Variants in TAF1B observed in about 807,000 individuals in gnomAD.
The protein encoded by TAF1B is TATA-box binding protein associated factor, RNA polymerase I subunit B.
TAF1B carries 61 observed loss-of-function variants against 83.9 expected under a neutral mutation model. That is an observed-to-expected ratio of 0.73 (90% CI 0.59 to 0.90). The LOEUF is 0.90. Among genes scored for constraint, TAF1B ranks in the 40% least tolerant of loss-of-function variants. TAF1B has a pLI of 0.00. For synonymous variants in TAF1B, 221 were observed against 224.6 expected (o/e 0.98, Z 0.14); for missense variants, 625 against 677.0 (o/e 0.92, Z 0.85).
intron 5 of TAF1B, among the ~76,000 whole-genome samples, chr2:9,863,977 T>C (rs1349381411): frequency 6.6e-6 from 1 of 152,018 alleles, no homozygotes; most frequent in Admixed American, 6.5e-5. Context: ...TAGCACTAAA[T>C]GCCCACAAGA....
chr2:9,926,231 T>C lies in TAF1B; in HGVS notation c.1565+6411T>C, dbSNP rs549514732. ...TAAAAAATTAAGTCATTTCTTAATA[T>C]TCTCCAATATGCAGTCAGTGATTAG... On this transcript the variant is annotated intron_variant, in intron 14 of 14. Coordinates refer to ENST00000263663, the MANE Select transcript of TAF1B (RefSeq NM_005680.3). Among the ~76,000 whole-genome samples, 9 of 152,340 alleles carry C rather than the reference T, an allele frequency of 5.9e-5. No homozygotes were observed. In the South Asian group the frequency reaches 1.9e-3, roughly 32 times the overall value.
chr2:9,871,372 G>A (rs559388137), intron 6 of TAF1B, among the ~76,000 whole-genome samples: 63 of 152,106 alleles, frequency 4.1e-4, no homozygotes, highest in Non-Finnish European at 7.8e-4. Context: ...GTAAGCTACT[G>A]TGCCTGGCCA....
intron 14 of TAF1B, among the ~76,000 whole-genome samples, chr2:9,922,921 T>G (rs1665922074): frequency 6.6e-6 from 1 of 152,178 alleles, no homozygotes; most frequent in African/African-American, 2.4e-5. Context: ...CCATTATTAT[T>G]TTAAACAAAG....
intron 2 of TAF1B, among the ~76,000 whole-genome samples, chr2:9,847,728 G>A (rs1350365423): frequency 6.6e-6 from 1 of 152,194 alleles, no homozygotes; most frequent in African/African-American, 2.4e-5. Context: ...TTAAAAAGGT[G>A]TAGGCTAGAC....
chr2:9,933,884 T>C lies in TAF1B; in HGVS notation c.1667T>C (p.Leu556Pro), dbSNP rs1462697977. 2 of 1,613,674 alleles carry C rather than the reference T, an allele frequency of 1.2e-6. No homozygotes were observed. Among genetic ancestry groups the C allele is most frequent in the Non-Finnish European group, 1.7e-6 (2 of 1,179,798 alleles). Reference sequence around the variant, plus strand: ...TTCCTGCTCAGAATAAAGACTTCCCTTCTCCATGAAGAAGTGAGCTTAGTT... The same window carrying C: ...TTCCTGCTCAGAATAAAGACTTCCCCTCTCCATGAAGAAGTGAGCTTAGTT... ...FSFLLRIKTS[L>P]LHEEVSLVEK... Residue 556 changes from leucine (L) to proline (P), a missense_variant, in exon 15 of 15, where the codon CTT (leucine) becomes CCT (proline). Coordinates refer to ENST00000263663, the MANE Select transcript of TAF1B (RefSeq NM_005680.3).
intron 7 of TAF1B, 33 bp from the exon 8 acceptor site, chr2:9,882,671 ACT>A: frequency 6.8e-7 from 1 of 1,470,516 alleles, no homozygotes; most frequent in Non-Finnish European, 9.4e-7. Flanking sequence ...TCAGTATATA[ACT>A]CTCATTAAAC....
At chr2:9,921,868 C>T (rs763901424) in intron 14 of TAF1B, among the ~76,000 whole-genome samples, 4 of 152,042 alleles carry the variant, frequency 2.6e-5, no homozygotes, top group African/African-American at 9.7e-5. Context: ...ATAATAATAG[C>T]GAAAAGGCCA....
intron 8 of TAF1B, among the ~76,000 whole-genome samples, chr2:9,885,113 A>G (rs1185416564): frequency 6.6e-6 from 1 of 152,210 alleles, no homozygotes; most frequent in African/African-American, 2.4e-5. Flanking sequence ...GAACTAGGAT[A>G]GTGAGAAGGG....
intron 1 of TAF1B, chr2:9,843,852 C>A: frequency 3.3e-6 from 1 of 300,098 alleles, no homozygotes; most frequent in Non-Finnish European, 6.2e-6. Flanking sequence ...GTGGGGTGGC[C>A]ACCCACAGGG....
At chr2:9,876,852 T>C (rs1476172903) in intron 7 of TAF1B, among the ~76,000 whole-genome samples, 1 of 152,214 alleles carries the variant, frequency 6.6e-6, no homozygotes, top group Non-Finnish European at 1.5e-5. Context: ...TAATTAGCGC[T>C]ACATGGAAAG....
In TAF1B at chr2:9,849,338, G is replaced by T. The variant is rs377499866; in HGVS notation, c.118-35G>T. ...AAAAATGCTTAGGGGGATGTAAAACGATCTTTTTTAATGGTCTTTTTCTCT... is the reference window on the plus strand; with the variant it reads ...AAAAATGCTTAGGGGGATGTAAAACTATCTTTTTTAATGGTCTTTTTCTCT... On this transcript the variant is annotated intron_variant, in intron 2 of 14. Coordinates refer to ENST00000263663, the MANE Select transcript of TAF1B (RefSeq NM_005680.3). 7.3e-6 allele frequency: 11 copies of T among 1,508,838 alleles called. No individual in the cohort carries two copies. The East Asian group carries it at 9.3e-5, about 13-fold the overall frequency. 93.5% of individuals were successfully genotyped at this position (1,508,838 alleles called of 1,614,324 possible).
intron 7 of TAF1B, among the ~76,000 whole-genome samples, chr2:9,878,256 C>T (rs191690592): frequency 2.3e-4 from 32 of 137,964 alleles, no homozygotes; most frequent in Non-Finnish European, 4.7e-5. Flanking sequence ...TTTATTTTTT[C>T]GTAGAGCTGG....
intron 8 of TAF1B, among the ~76,000 whole-genome samples, chr2:9,886,011 G>A (rs958218866): frequency 2.0e-5 from 3 of 152,002 alleles, no homozygotes; most frequent in African/African-American, 4.8e-5. Flanking sequence ...TTTCCAATAA[G>A]GAAACAAACC....
rs752564710 is a variant in TAF1B, at chr2:9,910,811, C to T, written c.1031C>T (p.Pro344Leu). 1 of 1,613,598 alleles carries T rather than the reference C, an allele frequency of 6.2e-7. No homozygotes were observed. Among genetic ancestry groups the T allele is most frequent in the Non-Finnish European group, 8.5e-7 (1 of 1,179,778 alleles). Residue 344 changes from proline to leucine, a missense_variant, in exon 10 of 15, where the codon CCT becomes CTT. Transcript: ENST00000263663. The part of the protein sequence containing the change: ...MGEVDFLTFD[P>L]IAKMAKTVKY... Reference sequence around the variant, plus strand: ...GAAGTGGATTTTCTGACATTTGATCCTATAGCTAAAATGGCAAAAACTGTT... The same window carrying T: ...GAAGTGGATTTTCTGACATTTGATCTTATAGCTAAAATGGCAAAAACTGTT...
At chr2:9,863,781 A>G (rs1333904044) in intron 5 of TAF1B, among the ~76,000 whole-genome samples, 2 of 152,216 alleles carry the variant, frequency 1.3e-5, no homozygotes, top group African/African-American at 4.8e-5. Flanking sequence ...CTAGAACTCA[A>G]GATTAAGAAA....
Position 9,882,138 on chromosome 2 carries a change from C to T in TAF1B, c.708-568C>T, listed in dbSNP as rs1410338767. ...TTTTTTTTTTTGAGACTGAGTCTTG[C>T]TCTGTTGCCCAGGCTGGAGTGCAGT... On this transcript the variant is annotated intron_variant, in intron 7 of 14. Coordinates refer to ENST00000263663, the MANE Select transcript of TAF1B (RefSeq NM_005680.3). Among the ~76,000 whole-genome samples the T allele has an allele frequency of 2.6e-5, 4 of 151,750 alleles. No individual in the cohort carries two copies. In the East Asian group the frequency reaches 5.8e-4, roughly 22 times the overall value.
At chr2:9,860,093 G>T (rs1663703329) in intron 5 of TAF1B, among the ~76,000 whole-genome samples, 1 of 152,124 alleles carries the variant, frequency 6.6e-6, no homozygotes, top group Non-Finnish European at 1.5e-5. Flanking sequence ...GATCTCATGA[G>T]AACTCCCTCA....
intron 8 of TAF1B, among the ~76,000 whole-genome samples, chr2:9,891,278 C>T (rs1189549783): frequency 2.0e-5 from 3 of 152,184 alleles, no homozygotes; most frequent in Non-Finnish European, 4.4e-5. Flanking sequence ...CAGACCTTTA[C>T]TGCCAGTGGT....
chr2:9,872,111 A>G (rs551108163), intron 6 of TAF1B, among the ~76,000 whole-genome samples: 3 of 151,974 alleles, frequency 2.0e-5, no homozygotes, highest in African/African-American at 7.2e-5. Context: ...GCGGATCACG[A>G]GGGCAGGAGA....
Sources: allele counts gnomAD v4.1 joint callset (sites outside exome capture counted in the v4.1 genomes callset), GRCh38; gene constraint gnomAD v4.1.1; transcripts MANE v1.5; gene names NCBI Gene and HGNC (gene_info 2026-07-23, HGNC 2026-07-21).